ARID2: variants seen among roughly 807,000 people sequenced by gnomAD.
ARID2 encodes AT-rich interaction domain 2, also known as AT-rich interactive domain-containing protein 2.
A neutral mutation model predicts 184.6 loss-of-function variants in ARID2; 32 were observed. The observed-to-expected ratio is 0.17, with a 90% CI of 0.13 to 0.23. ARID2 has a LOEUF of 0.23. ARID2 is among the 10% of genes least tolerant of loss of function. The pLI is 1.00. For missense variants in ARID2, 1,696 were observed against 2,197.6 expected, an observed-to-expected ratio of 0.77 and a Z score of 4.56; for synonymous variants, 836 against 772.6, an observed-to-expected ratio of 1.08 and a Z score of -1.36.
chr12:45,789,843 G>A (rs1028872928), intron 3 of ARID2, among the ~76,000 whole-genome samples: 3 of 152,156 alleles, frequency 2.0e-5, no homozygotes, highest in South Asian at 2.1e-4. Context: ...AAGGCTGGGT[G>A]TAGTGGCTTA....
chr12:45,769,975 C>T (rs1380626674), intron 3 of ARID2, among the ~76,000 whole-genome samples: 1 of 152,138 alleles, frequency 6.6e-6, no homozygotes, highest in African/African-American at 2.4e-5. Flanking sequence ...AAAGGCAAGG[C>T]CGGGCGCGGT....
At chr12:45,806,615 T>C (rs990583036) in intron 3 of ARID2, among the ~76,000 whole-genome samples, 1 of 152,186 alleles carries the variant, frequency 6.6e-6, no homozygotes, top group Non-Finnish European at 1.5e-5. Context: ...ACCGATGTGA[T>C]CTACATTGTC....
chr12:45,861,518 T>C (rs763610145), intron 16 of ARID2, among the ~76,000 whole-genome samples: 11 of 151,856 alleles, frequency 7.2e-5, no homozygotes, highest in African/African-American at 1.4e-4. Context: ...CCTTTGACAG[T>C]ACTTAGGTAA....
intron 3 of ARID2, among the ~76,000 whole-genome samples, chr12:45,774,656 C>T (rs1222125976): frequency 6.6e-6 from 1 of 152,120 alleles, no homozygotes; most frequent in African/African-American, 2.4e-5. Context: ...ACGATTCCTC[C>T]CTCCAAAGTT....
At chr12:45,774,910 A>G (rs749989484) in intron 3 of ARID2, among the ~76,000 whole-genome samples, 36 of 152,144 alleles carry the variant, frequency 2.4e-4, no homozygotes, top group Non-Finnish European at 2.4e-4. Flanking sequence ...CATAAGGGGT[A>G]GTTTTGCTTC....
At chr12:45,811,675 G>A (rs1427388032) in intron 4 of ARID2, 124 bp downstream of exon 4, 5 of 975,074 alleles carry the variant, frequency 5.1e-6, no homozygotes, top group Non-Finnish European at 6.9e-6. Context: ...AGGTAATGCA[G>A]CTTTCAAAGA....
At chr12:45,793,400 ATTC>A (rs1255586364) in intron 3 of ARID2, among the ~76,000 whole-genome samples, 1 of 149,096 alleles carries the variant, frequency 6.7e-6, no homozygotes, top group Non-Finnish European at 1.5e-5. Flanking sequence ...TTTCATCTTT[ATTC>A]TTTTTTATTA....
chr12:45,771,128 AT>A (rs1941867432), intron 3 of ARID2, among the ~76,000 whole-genome samples: 1 of 152,156 alleles, frequency 6.6e-6, no homozygotes, highest in Non-Finnish European at 1.5e-5. Context: ...ATAAATGCAT[AT>A]TTCTTTTCCA....
chr12:45,733,014 AT>A (rs1453177554), intron 3 of ARID2, among the ~76,000 whole-genome samples: 1 of 152,154 alleles, frequency 6.6e-6, no homozygotes, highest in Non-Finnish European at 1.5e-5. Context: ...CATTGTAAGT[AT>A]TTACATGGTC....
intron 8 of ARID2, 131 bp downstream of exon 8, chr12:45,837,122 A>T: frequency 7.8e-7 from 1 of 1,277,358 alleles, no homozygotes; most frequent in South Asian, 1.5e-5. Flanking sequence ...GTTGCTAAAA[A>T]TGGTGATGTA....
chr12:45,766,967 TCAAAA>T (rs947369861), intron 3 of ARID2, among the ~76,000 whole-genome samples: 12 of 152,140 alleles, frequency 7.9e-5, no homozygotes, highest in African/African-American at 2.7e-4. Context: ...AAACTCTGTC[TCAAAA>T]CAAAACAAAA....
At chr12:45,821,003 A>C (rs540373797) in intron 5 of ARID2, among the ~76,000 whole-genome samples, 5 of 152,292 alleles carry the variant, frequency 3.3e-5, no homozygotes, top group Admixed American at 1.3e-4. Context: ...CTTGCTCTCT[A>C]TGTTTTTTGA....
intron 3 of ARID2, among the ~76,000 whole-genome samples, chr12:45,740,490 T>A (rs1281715555): frequency 6.6e-6 from 1 of 152,146 alleles, no homozygotes; most frequent in East Asian, 1.9e-4. Flanking sequence ...TGTGTGTTTA[T>A]ATACACATAC....
chr12:45,804,391 AACTATC>A (rs1176911152), intron 3 of ARID2, among the ~76,000 whole-genome samples: 4 of 152,004 alleles, frequency 2.6e-5, no homozygotes, highest in Non-Finnish European at 5.9e-5. Flanking sequence ...TTCAATATTG[AACTATC>A]ACTGGACTTC....
At chr12:45,845,770 T>G (rs917331234) in intron 11 of ARID2, among the ~76,000 whole-genome samples, 1 of 152,154 alleles carries the variant, frequency 6.6e-6, no homozygotes, top group Non-Finnish European at 1.5e-5. Flanking sequence ...TTGTTCTGTT[T>G]GAGGGTTCTG....
intron 3 of ARID2, among the ~76,000 whole-genome samples, chr12:45,808,707 G>A (rs1039127319): frequency 3.3e-5 from 5 of 151,586 alleles, no homozygotes. Flanking sequence ...TTTCTCTCCC[G>A]GCCGTTATTA....
At chr12:45,893,600 C>A in intron 19 of ARID2, 30 bp from the exon 20 acceptor site, 2 of 1,602,442 alleles carry the variant, frequency 1.2e-6, no homozygotes, top group Non-Finnish European at 1.7e-6. Context: ...TGATTTAGAT[C>A]TTTATTCTTT....
intron 3 of ARID2, among the ~76,000 whole-genome samples, chr12:45,733,364 A>G (rs1941038482): frequency 6.6e-6 from 1 of 152,230 alleles, no homozygotes; most frequent in Admixed American, 6.5e-5. Flanking sequence ...TTGGCAGACA[A>G]GATGCCAAGT....
chr12:45,824,946 A>G (rs935714010), intron 6 of ARID2, among the ~76,000 whole-genome samples: 1 of 151,526 alleles, frequency 6.6e-6, no homozygotes, highest in African/African-American at 2.4e-5. Flanking sequence ...TTTTGTAGCA[A>G]TGTGGTTGGA....
Sources: allele counts gnomAD v4.1 joint callset (sites outside exome capture counted in the v4.1 genomes callset), GRCh38; gene constraint gnomAD v4.1.1; transcripts MANE v1.5; gene names NCBI Gene and HGNC (gene_info 2026-07-23, HGNC 2026-07-21).